The following PLA2R1 variants were observed in gnomAD, a reference collection of about 807,000 sequenced individuals.
PLA2R1 encodes the protein phospholipase A2 receptor 1.
In PLA2R1, 158 loss-of-function variants were observed where a neutral mutation model predicts 195.9. The ratio of observed to expected loss-of-function variants is 0.81; its 90% CI spans 0.71 to 0.92. PLA2R1 has a LOEUF of 0.92. PLA2R1 is among the 40% of genes least tolerant of loss of function. The pLI is 0.00. For missense variants in PLA2R1, 1,626 were observed against 1,764.6 expected (o/e 0.92, Z 1.41); for synonymous variants, 586 against 598.2 (o/e 0.98, Z 0.30).
In PLA2R1 at chr2:159,935,380, T is replaced by C. The variant is rs1686772789; in HGVS notation, c.*6398A>G. On this transcript the variant is annotated 3_prime_UTR_variant, in exon 30 of 30. Transcript: ENST00000283243. ...TGTGTTTTCCTGATAGTGATTTTTGTTTCTCCCATTTCTTCTACATTTATC... is the reference window on the plus strand; with the variant it reads ...TGTGTTTTCCTGATAGTGATTTTTGCTTCTCCCATTTCTTCTACATTTATC... The C allele has an allele frequency of 6.6e-6, 1 of 152,248 alleles. No individual in the cohort carries two copies. The highest frequency in any genetic ancestry group is 2.4e-5 in the African/African-American group (1 of 41,452). 9.4% of individuals were successfully genotyped at this position (152,248 alleles called of 1,614,324 possible).
At chr2:160,001,314 A>G (rs1355225747) in intron 11 of PLA2R1, among the ~76,000 whole-genome samples, 1 of 152,084 alleles carries the variant, frequency 6.6e-6, no homozygotes, top group African/African-American at 2.4e-5. Flanking sequence ...AGATAATACA[A>G]TTTTCAGATA....
intron 9 of PLA2R1, among the ~76,000 whole-genome samples, chr2:160,015,823 T>C (rs555780105): frequency 1.3e-4 from 20 of 152,310 alleles, no homozygotes; most frequent in East Asian, 5.8e-4. Flanking sequence ...CATTGTTCAA[T>C]TGCAATACAA....
intron 2 of PLA2R1, among the ~76,000 whole-genome samples, chr2:160,043,354 G>A (rs1460391637): frequency 3.3e-5 from 5 of 152,158 alleles, no homozygotes; most frequent in South Asian, 2.1e-4. Flanking sequence ...CCATGCAGAC[G>A]TGGCCTGCTG....
chr2:159,962,314 C>G (rs1314699686), intron 20 of PLA2R1, among the ~76,000 whole-genome samples: 1 of 152,094 alleles, frequency 6.6e-6, no homozygotes, highest in Non-Finnish European at 1.5e-5. Flanking sequence ...TAGAGAAATG[C>G]AAATCAAACC....
chr2:159,925,992 G>T, the PLA2R1 span, among the ~76,000 whole-genome samples: 1 of 152,160 alleles, frequency 6.6e-6, no homozygotes, highest in Non-Finnish European at 1.5e-5. Flanking sequence ...AAGGAGAGCT[G>T]GAGAGGTTCT....
intron 23 of PLA2R1, among the ~76,000 whole-genome samples, chr2:159,954,721 G>T (rs753293637): frequency 6.6e-6 from 1 of 152,046 alleles, no homozygotes; most frequent in Non-Finnish European, 1.5e-5. Flanking sequence ...TTGTAATAGT[G>T]TGGCTTTGGC....
chr2:159,961,581 T>C (rs947943713), intron 20 of PLA2R1, among the ~76,000 whole-genome samples: 1 of 152,140 alleles, frequency 6.6e-6, no homozygotes, highest in African/African-American at 2.4e-5. Flanking sequence ...TACATGAGGG[T>C]GTTTTAATCA....
At chr2:160,023,370 C>G (rs1395092946) in intron 6 of PLA2R1, among the ~76,000 whole-genome samples, 1 of 152,164 alleles carries the variant, frequency 6.6e-6, no homozygotes, top group African/African-American at 2.4e-5. Flanking sequence ...AAGGTGACCT[C>G]TGGTCATCCT....
intron 8 of PLA2R1, among the ~76,000 whole-genome samples, chr2:160,018,626 T>C (rs62175481): frequency 0.037 from 4,628 of 125,806 alleles, 96 homozygotes; most frequent in African/African-American, 0.053. Context: ...AGTGAGACTC[T>C]GTCTCAAAAA....
intron 1 of PLA2R1, among the ~76,000 whole-genome samples, chr2:160,049,391 C>T (rs1200590654): frequency 6.6e-6 from 1 of 152,160 alleles, no homozygotes; most frequent in Non-Finnish European, 1.5e-5. Context: ...AACTAGCTTT[C>T]ATTGGATGCC....
chr2:160,016,275 A>AG (rs1692746067), intron 9 of PLA2R1, among the ~76,000 whole-genome samples: 1 of 145,628 alleles, frequency 6.9e-6, no homozygotes, highest in Admixed American at 7.2e-5. Flanking sequence ...AAAAAAAAAA[A>AG]AGAAAAAGAA....
At chr2:159,983,862 C>A in intron 13 of PLA2R1, 66 bp downstream of exon 13, 2 of 902,186 alleles carry the variant, frequency 2.2e-6, no homozygotes, top group South Asian at 1.7e-5. Flanking sequence ...GATACTCACC[C>A]CTCAGAAGCC....
chr2:159,977,678 C>A (rs1689668182), intron 14 of PLA2R1, among the ~76,000 whole-genome samples: 1 of 152,178 alleles, frequency 6.6e-6, no homozygotes, highest in Non-Finnish European at 1.5e-5. Context: ...TGGCTCATGC[C>A]TGTAATCCCA....
Position 160,046,228 on chromosome 2 carries a change from C to T in PLA2R1, c.110-1071G>A, listed in dbSNP as rs187990820. Among the ~76,000 whole-genome samples, 211 of 152,380 alleles carry T rather than the reference C, an allele frequency of 1.4e-3. 1 individual carries two copies. In the South Asian group the frequency reaches 0.02, roughly 14 times the overall value. On this transcript the variant is annotated intron_variant, in intron 1 of 29. Coordinates refer to ENST00000283243, the MANE Select transcript of PLA2R1 (RefSeq NM_007366.5). Reference sequence around the variant, plus strand: ...TGATGAAACACACCGGCTGCTGCTGCTTCAGCCTTTGGCTGCTTAAGTCAC... The same window carrying T: ...TGATGAAACACACCGGCTGCTGCTGTTTCAGCCTTTGGCTGCTTAAGTCAC...
Position 159,969,252 on chromosome 2 carries a change from T to C in PLA2R1, c.2764+4A>G, listed in dbSNP as rs753867089. 3 of 1,515,314 alleles carry C rather than the reference T, an allele frequency of 2.0e-6. No individual in the cohort carries two copies. In the African/African-American group the frequency reaches 4.1e-5, roughly 21 times the overall value. The allele number at this position is 1,515,314 out of a possible 1,614,324, so 93.9% of individuals were successfully genotyped here. On this transcript the variant is annotated splice_donor_region_variant and intron_variant, in intron 19 of 29. Coordinates refer to ENST00000283243, the MANE Select transcript of PLA2R1 (RefSeq NM_007366.5). ...TAAACCCAAAAATGGGTAAGTAAAA[T>C]AACCTGTTATAGAAGAAATAAAGCC... is the stretch of plus-strand genomic sequence containing the variant.
intron 11 of PLA2R1, among the ~76,000 whole-genome samples, chr2:159,992,984 T>C (rs1282149448): frequency 6.6e-6 from 1 of 152,098 alleles, no homozygotes; most frequent in Non-Finnish European, 1.5e-5. Context: ...ATTGAAAGTG[T>C]TTATTTTTCT....
intron 27 of PLA2R1, chr2:159,946,211 G>C: frequency 9.7e-6 from 9 of 931,696 alleles, no homozygotes; most frequent in Non-Finnish European, 1.2e-5. Context: ...TCTAAACAAT[G>C]TTGGTGATTA....
intron 11 of PLA2R1, among the ~76,000 whole-genome samples, chr2:159,989,009 C>A (rs984408363): frequency 7.2e-5 from 11 of 152,166 alleles, no homozygotes; most frequent in African/African-American, 1.7e-4. Flanking sequence ...TCTGGAAGAA[C>A]CCCCTGGGCC....
chr2:160,047,370 A>T (rs1229437606), intron 1 of PLA2R1, among the ~76,000 whole-genome samples: 1 of 152,186 alleles, frequency 6.6e-6, no homozygotes, highest in Non-Finnish European at 1.5e-5. Context: ...TATTCCTCTG[A>T]CTTCCTGATT....
Sources: allele counts gnomAD v4.1 joint callset (sites outside exome capture counted in the v4.1 genomes callset), GRCh38; gene constraint gnomAD v4.1.1; transcripts MANE v1.5; gene names NCBI Gene and HGNC (gene_info 2026-07-23, HGNC 2026-07-21).